SNX18: variants seen among roughly 807,000 people sequenced by gnomAD.
SNX18 encodes sorting nexin 18, also known as sorting nexin-18.
A neutral mutation model predicts 48.7 loss-of-function variants in SNX18; 35 were observed. The observed-to-expected ratio is 0.72, with a 90% CI of 0.55 to 0.95. The LOEUF is 0.95. Ranked by LOEUF, SNX18 falls within the 40% of genes least tolerant of loss-of-function variation. SNX18 has a pLI of 0.00. For synonymous variants in SNX18, 492 were observed against 384.7 expected (o/e 1.28, Z -3.26); for missense variants, 824 against 871.0 (o/e 0.95, Z 0.68).
At position 54,517,869 on chromosome 5, in the gene SNX18, G is replaced by A. The variant is rs934175035; in HGVS notation, c.-84G>A. On this transcript the variant is annotated 5_prime_UTR_variant, in exon 1 of 2. Transcript: ENST00000381410. ...TTCGGGGCTCCAGTCCGCGCGCCAGGGCTCGAGCAGTACCGCGGGCCCCTC... is the reference window on the plus strand; with the variant it reads ...TTCGGGGCTCCAGTCCGCGCGCCAGAGCTCGAGCAGTACCGCGGGCCCCTC... The A allele has an allele frequency of 4.4e-6, 6 of 1,357,048 alleles. No homozygotes were observed. The highest frequency in any genetic ancestry group is 3.9e-5 in the Admixed American group (1 of 25,790). 84.1% of individuals were successfully genotyped at this position (1,357,048 alleles called of 1,614,324 possible).
At chr5:54,573,908 C>T in the SNX18 span, among the ~76,000 whole-genome samples, 1 of 152,162 alleles carries the variant, frequency 6.6e-6, no homozygotes, top group African/African-American at 2.4e-5. Context: ...AGGAGTAGCT[C>T]GGAAGTCAGC....
the SNX18 span, among the ~76,000 whole-genome samples, chr5:54,582,103 C>T: frequency 6.6e-6 from 1 of 152,188 alleles, no homozygotes; most frequent in African/African-American, 2.4e-5. Flanking sequence ...TCCCTAGAAA[C>T]GAGAAGTGGA....
At chr5:54,532,151 T>G (rs1762262439) in intron 1 of SNX18, among the ~76,000 whole-genome samples, 1 of 152,118 alleles carries the variant, frequency 6.6e-6, no homozygotes, top group Non-Finnish European at 1.5e-5. Flanking sequence ...TTAGATTTAT[T>G]TTGGCTTGGG....
chr5:54,550,101 G>A (rs148194903), downstream of SNX18, among the ~76,000 whole-genome samples: 75 of 152,284 alleles, frequency 4.9e-4, no homozygotes, highest in African/African-American at 1.8e-3. Context: ...TGTATTTTTA[G>A]TCACTTTTTA....
At chr5:54,523,754 T>G (rs1762076544) in intron 1 of SNX18, among the ~76,000 whole-genome samples, 1 of 152,298 alleles carries the variant, frequency 6.6e-6, no homozygotes, top group Non-Finnish European at 1.5e-5. Flanking sequence ...TGGGTAGAAT[T>G]TCACCATTGT....
At chr5:54,584,838 G>A in the SNX18 span, among the ~76,000 whole-genome samples, 1 of 152,170 alleles carries the variant, frequency 6.6e-6, no homozygotes, top group Non-Finnish European at 1.5e-5. Context: ...GGAGTACCAA[G>A]ACCTCTTCCG....
the SNX18 span, among the ~76,000 whole-genome samples, chr5:54,599,589 TA>T: frequency 6.6e-6 from 1 of 152,092 alleles, no homozygotes; most frequent in Non-Finnish European, 1.5e-5. Flanking sequence ...CAAACTATAC[TA>T]AAAGGCTACA....
intron 1 of SNX18, among the ~76,000 whole-genome samples, chr5:54,534,574 CT>C (rs975334908): frequency 3.3e-5 from 5 of 150,962 alleles, no homozygotes; most frequent in East Asian, 1.9e-4. Flanking sequence ...TTCTTTCTTT[CT>C]TTTTTTTTCC....
At chr5:54,556,342 C>T in the SNX18 span, among the ~76,000 whole-genome samples, 3 of 152,166 alleles carry the variant, frequency 2.0e-5, no homozygotes, top group Admixed American at 2.0e-4. Context: ...TCTGTGGAGA[C>T]TCTGCGGGAG....
chr5:54,604,203 T>A, the SNX18 span, among the ~76,000 whole-genome samples: 1 of 152,220 alleles, frequency 6.6e-6, no homozygotes, highest in Admixed American at 6.5e-5. Flanking sequence ...ATGATCCAGC[T>A]GACAGTGTGG....
the SNX18 span, among the ~76,000 whole-genome samples, chr5:54,580,237 C>G: frequency 1.3e-5 from 2 of 152,140 alleles, no homozygotes; most frequent in East Asian, 3.8e-4. Flanking sequence ...AAATACTAGT[C>G]TCTGTCATTT....
chr5:54,636,576 C>G, the SNX18 span, among the ~76,000 whole-genome samples: 11 of 152,206 alleles, frequency 7.2e-5, no homozygotes, highest in African/African-American at 2.7e-4. Flanking sequence ...CTTTCCCCAG[C>G]CCCTACTCTG....
the SNX18 span, among the ~76,000 whole-genome samples, chr5:54,622,365 G>A: frequency 1.8e-4 from 28 of 152,096 alleles, no homozygotes; most frequent in Non-Finnish European, 3.8e-4. Context: ...TGAGTGTGGT[G>A]GCATGCACCT....
At chr5:54,593,529 A>C in the SNX18 span, among the ~76,000 whole-genome samples, 2 of 152,224 alleles carry the variant, frequency 1.3e-5, no homozygotes, top group Non-Finnish European at 1.5e-5. Flanking sequence ...TATTTTTTGT[A>C]GAAATTGATG....
the SNX18 span, among the ~76,000 whole-genome samples, chr5:54,552,382 C>G: frequency 6.6e-6 from 1 of 152,150 alleles, no homozygotes; most frequent in Non-Finnish European, 1.5e-5. Context: ...ACCATCAGAG[C>G]CTTTGGATTC....
intron 1 of SNX18, among the ~76,000 whole-genome samples, chr5:54,536,618 C>G (rs566163614): frequency 6.6e-6 from 1 of 152,254 alleles, no homozygotes; most frequent in East Asian, 1.9e-4. Flanking sequence ...TTTTCTTAAT[C>G]CAGTCTATCA....
chr5:54,545,864 T>G lies in SNX18; in HGVS notation c.*2432T>G, dbSNP rs952014347. ...TTTTAAAAATAAACTATCATGCCCTTCATGCCATTATTTGTCTTTATTTCT... is the reference window on the plus strand; with the variant it reads ...TTTTAAAAATAAACTATCATGCCCTGCATGCCATTATTTGTCTTTATTTCT... On this transcript the variant is annotated 3_prime_UTR_variant, in exon 2 of 2. Transcript: ENST00000381410. 3 of 152,224 alleles carry G rather than the reference T, an allele frequency of 2.0e-5. No homozygotes were observed. Among genetic ancestry groups the G allele is most frequent in the Non-Finnish European group, 4.4e-5 (3 of 68,044 alleles). The allele number at this position is 152,224 out of a possible 1,614,324, so 9.4% of individuals were successfully genotyped here.
the SNX18 span, among the ~76,000 whole-genome samples, chr5:54,627,040 C>A: frequency 6.6e-6 from 1 of 152,166 alleles, no homozygotes; most frequent in South Asian, 2.1e-4. Context: ...GACATATATT[C>A]ATTCATGCTG....
chr5:54,536,797 A>G (rs1210572477), intron 1 of SNX18, among the ~76,000 whole-genome samples: 1 of 152,200 alleles, frequency 6.6e-6, no homozygotes, highest in Non-Finnish European at 1.5e-5. Context: ...TCCTTGAGGA[A>G]TTGCCACACT....
Sources: allele counts gnomAD v4.1 joint callset (sites outside exome capture counted in the v4.1 genomes callset), GRCh38; gene constraint gnomAD v4.1.1; transcripts MANE v1.5; gene names NCBI Gene and HGNC (gene_info 2026-07-23, HGNC 2026-07-21).